Variants in CACNA2D3 observed in about 807,000 individuals in gnomAD.
CACNA2D3 encodes the protein voltage-dependent calcium channel subunit alpha-2/delta-3.
In CACNA2D3, 60 loss-of-function variants were observed where a neutral mutation model predicts 160.6. That is an observed-to-expected ratio of 0.37 (90% CI 0.30 to 0.46). The LOEUF is 0.46. Among genes scored for constraint, CACNA2D3 ranks in the 20% least tolerant of loss-of-function variants. CACNA2D3 has a pLI of 1.00. For missense variants in CACNA2D3, 1,205 were observed against 1,365.0 expected (o/e 0.88, Z 1.85); for synonymous variants, 558 against 492.9 (o/e 1.13, Z -1.75).
intron 3 of CACNA2D3, among the ~76,000 whole-genome samples, chr3:54,351,341 TCCTG>T (rs1698561824): frequency 6.6e-6 from 1 of 152,130 alleles, no homozygotes; most frequent in South Asian, 2.1e-4. Context: ...ATTGGTGGCT[TCCTG>T]CTGCTGCTTG....
At chr3:54,464,993 T>C (rs906679600) in intron 4 of CACNA2D3, among the ~76,000 whole-genome samples, 3 of 152,184 alleles carry the variant, frequency 2.0e-5, no homozygotes, top group Non-Finnish European at 4.4e-5. Context: ...TTTGTTCACT[T>C]TATGGTATCC....
intron 4 of CACNA2D3, among the ~76,000 whole-genome samples, chr3:54,467,685 T>C: frequency 6.6e-6 from 1 of 152,100 alleles, no homozygotes. Context: ...GTTGTTCTCA[T>C]AGAAGTAGAG....
At chr3:54,772,870 G>A (rs1702345177) in intron 13 of CACNA2D3, among the ~76,000 whole-genome samples, 1 of 152,164 alleles carries the variant, frequency 6.6e-6, no homozygotes, top group South Asian at 2.1e-4. Context: ...TCAACTTGCT[G>A]TGCAGGATAG....
chr3:54,465,534 C>T (rs79584580), intron 4 of CACNA2D3, among the ~76,000 whole-genome samples: 47 of 152,220 alleles, frequency 3.1e-4, no homozygotes, highest in Admixed American at 1.3e-3. Context: ...AGTCTTGGAA[C>T]GTATCTCTGT....
chr3:54,922,826 C>T (rs1432485317), intron 27 of CACNA2D3, among the ~76,000 whole-genome samples: 2 of 152,156 alleles, frequency 1.3e-5, no homozygotes, highest in African/African-American at 4.8e-5. Flanking sequence ...CTCACTCCCC[C>T]CAGTCCCCTC....
chr3:54,752,839 T>G (rs1701889609), intron 12 of CACNA2D3, among the ~76,000 whole-genome samples, 162 bp downstream of exon 12: 3 of 98,194 alleles, frequency 3.1e-5, no homozygotes, highest in South Asian at 5.1e-4. Flanking sequence ...CAAATTATGT[T>G]TTTTTTTTTT....
chr3:54,967,117 C>T (rs1436667266), intron 27 of CACNA2D3: 1 of 152,228 alleles, frequency 6.6e-6, no homozygotes, highest in Non-Finnish European at 1.5e-5. Context: ...CAGCCGTGCA[C>T]TGCTCTAGTC....
chr3:54,860,962 T>A (rs1430129064), intron 17 of CACNA2D3, among the ~76,000 whole-genome samples: 3 of 152,206 alleles, frequency 2.0e-5, no homozygotes, highest in African/African-American at 7.2e-5. Flanking sequence ...CATGTGTTTA[T>A]TAAATGACTA....
intron 2 of CACNA2D3, among the ~76,000 whole-genome samples, chr3:54,250,772 A>G (rs1034333853): frequency 3.3e-5 from 5 of 152,308 alleles, no homozygotes; most frequent in African/African-American, 1.2e-4. Flanking sequence ...GGTGATAAGC[A>G]TGCAACTCCT....
intron 9 of CACNA2D3, among the ~76,000 whole-genome samples, chr3:54,619,275 A>G (rs2106801122): frequency 6.6e-6 from 1 of 152,302 alleles, no homozygotes; most frequent in South Asian, 2.1e-4. Flanking sequence ...CATGGTAATC[A>G]TCATGTCCCT....
At chr3:54,953,815 C>T (rs776438737) in intron 27 of CACNA2D3, among the ~76,000 whole-genome samples, 8 of 152,250 alleles carry the variant, frequency 5.3e-5, no homozygotes, top group Admixed American at 2.0e-4. Flanking sequence ...TCAGTGCGCA[C>T]AACCCTAGGT....
At chr3:54,520,651 A>T (rs1701632738) in intron 5 of CACNA2D3, among the ~76,000 whole-genome samples, 1 of 152,228 alleles carries the variant, frequency 6.6e-6, no homozygotes, top group African/African-American at 2.4e-5. Context: ...TTTAAAGTGT[A>T]CAATTCAGTG....
At chr3:54,934,337 T>G (rs1419518516) in intron 27 of CACNA2D3, among the ~76,000 whole-genome samples, 1 of 152,202 alleles carries the variant, frequency 6.6e-6, no homozygotes, top group Non-Finnish European at 1.5e-5. Context: ...CTTGAGCCGT[T>G]CAGTGGAGAA....
At position 54,816,816 on chromosome 3, in the gene CACNA2D3, T is replaced by C. The variant is rs541546350; in HGVS notation, c.1381-37T>C. 5.4e-4 allele frequency: 876 copies of C among 1,609,642 alleles called. 13 individuals are homozygous for C. In the South Asian group the frequency reaches 9.1e-3, roughly 17 times the overall value. On this transcript the variant is annotated intron_variant, in intron 13 of 37. Coordinates refer to ENST00000474759, the MANE Select transcript of CACNA2D3 (RefSeq NM_018398.3). ...TTAATTACTTATATAATGATCAACT[T>C]TTTTCTTTTTTGTTTTGTTTTGTTT...
chr3:54,274,744 A>G (rs567215373), intron 2 of CACNA2D3, among the ~76,000 whole-genome samples: 3 of 151,958 alleles, frequency 2.0e-5, no homozygotes, highest in Non-Finnish European at 2.9e-5. Flanking sequence ...GCTAGGGGGG[A>G]ACTGCATCCA....
At chr3:54,743,815 C>T (rs1049692795) in intron 11 of CACNA2D3, among the ~76,000 whole-genome samples, 2 of 152,170 alleles carry the variant, frequency 1.3e-5, no homozygotes, top group African/African-American at 4.8e-5. Context: ...CCATAAAAAT[C>T]CTAGGCCATG....
chr3:54,725,071 T>C (rs1474711630), intron 11 of CACNA2D3, among the ~76,000 whole-genome samples: 1 of 152,092 alleles, frequency 6.6e-6, no homozygotes, highest in Non-Finnish European at 1.5e-5. Flanking sequence ...TAAAAAATGA[T>C]ATAGGGGATA....
intron 11 of CACNA2D3, among the ~76,000 whole-genome samples, chr3:54,735,459 A>G (rs1701477625): frequency 6.6e-6 from 1 of 152,234 alleles, no homozygotes. Context: ...TGCACTGCAG[A>G]CACACAGATA....
chr3:55,069,480 CTT>C (rs918652897), intron 35 of CACNA2D3, among the ~76,000 whole-genome samples: 2 of 151,856 alleles, frequency 1.3e-5, no homozygotes, highest in Non-Finnish European at 2.9e-5. Context: ...ATTCTTGGGC[CTT>C]TTATACTGAT....
Sources: allele counts gnomAD v4.1 joint callset (sites outside exome capture counted in the v4.1 genomes callset), GRCh38; gene constraint gnomAD v4.1.1; transcripts MANE v1.5; gene names NCBI Gene and HGNC (gene_info 2026-07-23, HGNC 2026-07-21).